Variants in RNF125 observed in about 807,000 individuals in gnomAD.
RNF125 encodes the protein ring finger protein 125, also known as E3 ubiquitin-protein ligase RNF125.
A neutral mutation model predicts 26.0 loss-of-function variants in RNF125; 21 were observed. The ratio of observed to expected loss-of-function variants is 0.81; its 90% CI spans 0.57 to 1.16. The LOEUF (loss-of-function observed/expected upper bound fraction) is 1.16. Ranked by LOEUF, RNF125 falls within the 50% of genes most tolerant of loss-of-function variation. The probability of loss-of-function intolerance (pLI) is 0.00; values close to 1 mark genes in which losing one functional copy is unlikely to be tolerated. For missense variants in RNF125, 270 were observed against 299.4 expected, an observed-to-expected ratio of 0.90 and a Z score of 0.72; for synonymous variants, 95 against 109.2, an observed-to-expected ratio of 0.87 and a Z score of 0.81.
chr18:32,048,061 G>A (rs1447129547), intron 4 of RNF125, among the ~76,000 whole-genome samples: 1 of 151,992 alleles, frequency 6.6e-6, no homozygotes, highest in Non-Finnish European at 1.5e-5. Context: ...CTGGAAGGAC[G>A]GAGGTTGAAG....
At chr18:32,027,529 A>G (rs980527214) in intron 1 of RNF125, among the ~76,000 whole-genome samples, 5 of 152,198 alleles carry the variant, frequency 3.3e-5, no homozygotes, top group African/African-American at 1.2e-4. Context: ...TAGAAAGGGT[A>G]AAACACAGAG....
At chr18:32,045,166 G>A (rs1275812593) in intron 3 of RNF125, among the ~76,000 whole-genome samples, 1 of 151,690 alleles carries the variant, frequency 6.6e-6, no homozygotes, top group African/African-American at 2.4e-5. Context: ...GTGACCTGCA[G>A]CTACCTTATT....
chr18:32,082,537 G>T, the RNF125 span, among the ~76,000 whole-genome samples: 1 of 152,098 alleles, frequency 6.6e-6, no homozygotes, highest in East Asian at 1.9e-4. Flanking sequence ...CCAGGTAGTC[G>T]TCTTCACGCT....
In RNF125 at chr18:32,072,957, G is replaced by A. The variant is rs950036676; in HGVS notation, c.*4573G>A. 1.3e-5 allele frequency: 2 copies of A among 152,126 alleles called. No individual in the cohort carries two copies. Among genetic ancestry groups the A allele is most frequent in the Non-Finnish European group, 2.9e-5 (2 of 68,024 alleles). The allele number at this position is 152,126 out of a possible 1,614,324, so 9.4% of individuals were successfully genotyped here. ...TCATTACTGTTACTGGGTGCCAAGT[G>A]TCTTTCATTTGGAAGTGAACTTACT... On this transcript the variant is annotated 3_prime_UTR_variant, in exon 6 of 6. Transcript: ENST00000217740.
At chr18:32,048,832 T>G (rs1399512484) in intron 4 of RNF125, among the ~76,000 whole-genome samples, 2 of 152,196 alleles carry the variant, frequency 1.3e-5, no homozygotes, top group African/African-American at 2.4e-5. Context: ...TAGGGAGTTG[T>G]TTCACAATAG....
At chr18:32,063,937 C>T (rs929836362) in intron 4 of RNF125, among the ~76,000 whole-genome samples, 2 of 150,248 alleles carry the variant, frequency 1.3e-5, no homozygotes, top group African/African-American at 4.9e-5. Flanking sequence ...AACGCACTGA[C>T]ATTCCTTTGC....
chr18:32,042,345 T>C (rs2039228916), intron 3 of RNF125, 72 bp downstream of exon 3: 1 of 886,462 alleles, frequency 1.1e-6, no homozygotes, highest in African/African-American at 1.7e-5. Context: ...GGCTGGAAAC[T>C]TTAACATTCT....
At chr18:32,045,591 T>C in intron 3 of RNF125, 51 bp from the exon 4 acceptor site, 2 of 1,244,320 alleles carry the variant, frequency 1.6e-6, no homozygotes, top group South Asian at 2.6e-5. Context: ...AAGTGACTAC[T>C]ATCTAGTTGC....
chr18:32,048,358 G>A (rs928003699), intron 4 of RNF125, among the ~76,000 whole-genome samples: 8 of 151,752 alleles, frequency 5.3e-5, no homozygotes, highest in Admixed American at 4.6e-4. Flanking sequence ...CCTGGGAGAC[G>A]GAGGTTGCAG....
chr18:32,086,347 A>G, the RNF125 span, among the ~76,000 whole-genome samples: 1 of 129,598 alleles, frequency 7.7e-6, no homozygotes, highest in Admixed American at 9.0e-5. Flanking sequence ...CTGCACCTAG[A>G]TATTTGTGTT....
chr18:32,081,310 A>G, the RNF125 span, among the ~76,000 whole-genome samples: 1 of 152,184 alleles, frequency 6.6e-6, no homozygotes, highest in African/African-American at 2.4e-5. Flanking sequence ...ATATAGTTCT[A>G]TGACACCCAG....
chr18:32,025,744 G>C lies in RNF125; in HGVS notation c.164+6717G>C, dbSNP rs531286807. Among the ~76,000 whole-genome samples the C allele has an allele frequency of 2.0e-3, 287 of 146,136 alleles. 2 individuals are homozygous for C. The highest frequency in any genetic ancestry group is 7.4e-3 in the African/African-American group (279 of 37,616). Reference sequence around the variant, plus strand: ...TGGTGGCTTTTGTGTTTGTGTATGCGTGTGTGTGTGTGTTCCTCAAGGGGT... The same window carrying C: ...TGGTGGCTTTTGTGTTTGTGTATGCCTGTGTGTGTGTGTTCCTCAAGGGGT... On this transcript the variant is annotated intron_variant, in intron 1 of 5. Transcript: ENST00000217740.
intron 1 of RNF125, among the ~76,000 whole-genome samples, chr18:32,027,673 C>G (rs1365923879): frequency 6.6e-6 from 1 of 152,022 alleles, no homozygotes; most frequent in Non-Finnish European, 1.5e-5. Flanking sequence ...TTCATTGGCT[C>G]TAGAATGAAC....
chr18:32,037,331 T>C lies in RNF125; in HGVS notation c.318+62T>C, dbSNP rs2039167342. ...GCTTAAGTCCCTGCGAAAGTTATCA[T>C]TTCACCTCTGCTTCTGACCCCATGG... On this transcript the variant is annotated intron_variant, in intron 2 of 5. Coordinates refer to ENST00000217740, the MANE Select transcript of RNF125 (RefSeq NM_017831.4). The C allele has an allele frequency of 4.0e-6, 4 of 1,002,706 alleles. No individual in the cohort carries two copies. The East Asian group carries it at 1.2e-4, about 30-fold the overall frequency. 62.1% of individuals were successfully genotyped at this position (1,002,706 alleles called of 1,614,324 possible). A position where few individuals can be genotyped will look rare whatever the true frequency, so the allele number is the denominator to read the frequency against.
the RNF125 span, among the ~76,000 whole-genome samples, chr18:32,082,612 A>G: frequency 2.0e-5 from 3 of 152,174 alleles, no homozygotes; most frequent in African/African-American, 7.2e-5. Flanking sequence ...AGTTGCTGCT[A>G]AGGAACGGAA....
chr18:32,064,396 C>CTTTTTTTTTTTTT (rs775086863), intron 4 of RNF125, among the ~76,000 whole-genome samples: 18 of 86,838 alleles, frequency 2.1e-4, no homozygotes, highest in East Asian at 3.7e-4. Context: ...TTTTCTTTTT[C>CTTTTTTTTTTTTT]TTTTTTTTTT....
At position 32,069,454 on chromosome 18, in the gene RNF125, G is replaced by T. The variant is rs1163527888; in HGVS notation, c.*1070G>T. On this transcript the variant is annotated 3_prime_UTR_variant, in exon 6 of 6. Coordinates refer to ENST00000217740, the MANE Select transcript of RNF125 (RefSeq NM_017831.4). ...GACTTTTTAGTAGAAAACCCTAAGG[G>T]CTTTGATATCTTTTTTGATTGTAAC... The T allele has an allele frequency of 6.6e-6, 1 of 151,830 alleles. No homozygotes were observed. The highest frequency in any genetic ancestry group is 1.5e-5 in the Non-Finnish European group (1 of 67,986). The allele number at this position is 151,830 out of a possible 1,614,324, so 9.4% of individuals were successfully genotyped here.
chr18:32,021,288 G>A (rs1373267400), intron 1 of RNF125, among the ~76,000 whole-genome samples: 1 of 152,194 alleles, frequency 6.6e-6, no homozygotes, highest in Non-Finnish European at 1.5e-5. Context: ...CACCGTGTTA[G>A]CCAGGATGGT....
chr18:32,023,939 A>T (rs1469409406), intron 1 of RNF125, among the ~76,000 whole-genome samples: 2 of 152,178 alleles, frequency 1.3e-5, no homozygotes, highest in Non-Finnish European at 2.9e-5. Flanking sequence ...TTTACTTTTG[A>T]ATCAGTATAT....
Sources: gnomAD v4.1 joint callset for allele counts (sites outside exome capture counted in the v4.1 genomes callset) on GRCh38, gnomAD v4.1.1 for gene constraint, MANE v1.5 for transcripts, NCBI Gene and HGNC (gene_info 2026-07-23, HGNC 2026-07-21) for gene names.